SIPA1L1: variants seen among roughly 807,000 people sequenced by gnomAD.
SIPA1L1 encodes signal-induced proliferation-associated 1-like protein 1.
A neutral mutation model predicts 162.7 loss-of-function variants in SIPA1L1; 26 were observed. That is an observed-to-expected ratio of 0.16 (90% CI 0.12 to 0.22). The LOEUF is 0.22. Ranked by LOEUF, SIPA1L1 falls within the 10% of genes least tolerant of loss-of-function variation. SIPA1L1 has a pLI of 1.00. For missense variants in SIPA1L1, 1,874 were observed against 2,241.0 expected (o/e 0.84, Z 3.31); for synonymous variants, 829 against 837.4 (o/e 0.99, Z 0.17).
intron 2 of SIPA1L1, among the ~76,000 whole-genome samples, chr14:71,323,117 T>C (rs776291392): frequency 3.3e-5 from 5 of 152,252 alleles, no homozygotes; most frequent in Non-Finnish European, 7.3e-5. Flanking sequence ...CTTTGAAGTA[T>C]GTGTGTAATT....
chr14:71,469,411 TC>T (rs1323095806), intron 2 of SIPA1L1, among the ~76,000 whole-genome samples: 2 of 152,220 alleles, frequency 1.3e-5, no homozygotes, highest in Non-Finnish European at 2.9e-5. Flanking sequence ...TATGTGTTTG[TC>T]CTGTCATCCC....
intron 2 of SIPA1L1, among the ~76,000 whole-genome samples, chr14:71,334,638 TTA>T (rs2034898446): frequency 6.6e-6 from 1 of 152,216 alleles, no homozygotes; most frequent in African/African-American, 2.4e-5. Context: ...AAAATGGCTC[TTA>T]TCTTTCTCAA....
chr14:71,480,103 G>A (rs1319423325), intron 2 of SIPA1L1, among the ~76,000 whole-genome samples: 9 of 148,000 alleles, frequency 6.1e-5, no homozygotes, highest in Admixed American at 6.1e-4. Context: ...TTTTTTTTGA[G>A]ACGGAGTCTT....
At chr14:71,359,830 T>C (rs75930676) in intron 2 of SIPA1L1, among the ~76,000 whole-genome samples, 4,985 of 152,332 alleles carry the variant, frequency 0.033, 121 homozygotes, top group Non-Finnish European at 0.05. Flanking sequence ...ATATTATCAA[T>C]GGAACTGGTT....
intron 18 of SIPA1L1, among the ~76,000 whole-genome samples, 169 bp from the exon 19 acceptor site, chr14:71,724,500 TC>T (rs1468606135): frequency 6.6e-6 from 1 of 152,218 alleles, no homozygotes; most frequent in Non-Finnish European, 1.5e-5. Flanking sequence ...TTTTGTTTCT[TC>T]AGTAAGCGTT....
At chr14:71,546,540 C>T (rs1476301743) in intron 4 of SIPA1L1, among the ~76,000 whole-genome samples, 2 of 151,994 alleles carry the variant, frequency 1.3e-5, no homozygotes, top group African/African-American at 4.8e-5. Flanking sequence ...CGCCATCACG[C>T]CTGGCTAATT....
chr14:71,610,682 C>T (rs751092474), intron 5 of SIPA1L1, among the ~76,000 whole-genome samples: 4 of 151,952 alleles, frequency 2.6e-5, no homozygotes, highest in Non-Finnish European at 4.4e-5. Context: ...GAATGTATGT[C>T]CTTTTGTTTT....
chr14:71,684,045 C>T (rs1030675517), intron 12 of SIPA1L1, among the ~76,000 whole-genome samples: 3 of 152,076 alleles, frequency 2.0e-5, no homozygotes, highest in Non-Finnish European at 4.4e-5. Context: ...GAGCCTTGGG[C>T]GGAGGGTCAG....
intron 4 of SIPA1L1, among the ~76,000 whole-genome samples, chr14:71,564,147 C>T (rs979513809): frequency 2.6e-5 from 4 of 151,968 alleles, no homozygotes; most frequent in Non-Finnish European, 4.4e-5. Context: ...TGGAGTCTTG[C>T]TATGTTTTCT....
intron 9 of SIPA1L1, among the ~76,000 whole-genome samples, chr14:71,659,082 A>G (rs1006697380): frequency 6.6e-6 from 1 of 152,208 alleles, no homozygotes; most frequent in Non-Finnish European, 1.5e-5. Context: ...AACTGGCACT[A>G]TTGTTTTAGG....
At chr14:71,668,908 C>T (rs1292246737) in intron 10 of SIPA1L1, among the ~76,000 whole-genome samples, 2 of 152,174 alleles carry the variant, frequency 1.3e-5, no homozygotes, top group Non-Finnish European at 2.9e-5. Flanking sequence ...TCTTAAGTAA[C>T]TACATGCAGC....
intron 4 of SIPA1L1, among the ~76,000 whole-genome samples, chr14:71,557,499 C>T (rs964190358): frequency 2.6e-5 from 4 of 152,176 alleles, no homozygotes; most frequent in African/African-American, 9.7e-5. Context: ...GTTCTCTGCA[C>T]AAAGGGGCCA....
At chr14:71,538,560 G>A (rs1183058298) in intron 4 of SIPA1L1, among the ~76,000 whole-genome samples, 1 of 152,210 alleles carries the variant, frequency 6.6e-6, no homozygotes, top group African/African-American at 2.4e-5. Flanking sequence ...TTATTGCCAA[G>A]TCAGGTCTCT....
intron 2 of SIPA1L1, among the ~76,000 whole-genome samples, chr14:71,487,313 CTACCGCA>C (rs2048850064): frequency 1.3e-5 from 2 of 152,178 alleles, no homozygotes; most frequent in South Asian, 4.1e-4. Context: ...TGGTCTCTGC[CTACCGCA>C]TCATAGAGAG....
At chr14:71,705,733 T>G (rs756978809) in intron 16 of SIPA1L1, among the ~76,000 whole-genome samples, 10 of 152,112 alleles carry the variant, frequency 6.6e-5, no homozygotes, top group South Asian at 2.1e-4. Flanking sequence ...AACCATATCT[T>G]TGATTCTGCT....
chr14:71,497,489 C>T (rs558541387), intron 2 of SIPA1L1, among the ~76,000 whole-genome samples: 2 of 152,174 alleles, frequency 1.3e-5, no homozygotes, highest in African/African-American at 4.8e-5. Context: ...TTATAGTCAC[C>T]TCTTTGCCTA....
intron 19 of SIPA1L1, among the ~76,000 whole-genome samples, chr14:71,727,549 C>G (rs1252442927): frequency 1.3e-5 from 2 of 152,050 alleles, no homozygotes; most frequent in Non-Finnish European, 2.9e-5. Flanking sequence ...CCACTTGAAC[C>G]TCTCCGTAGC....
intron 2 of SIPA1L1, among the ~76,000 whole-genome samples, chr14:71,458,570 T>C (rs2046351393): frequency 1.3e-5 from 2 of 152,190 alleles, no homozygotes; most frequent in Non-Finnish European, 2.9e-5. Context: ...TTTTATCAGG[T>C]AGAGATATTA....
At chr14:71,407,623 C>T (rs1011897971) in intron 2 of SIPA1L1, among the ~76,000 whole-genome samples, 3 of 152,158 alleles carry the variant, frequency 2.0e-5, no homozygotes, top group African/African-American at 7.2e-5. Context: ...CCTCCCATCT[C>T]AGCCTCCCAA....
Sources: gnomAD v4.1 joint callset for allele counts (sites outside exome capture counted in the v4.1 genomes callset) on GRCh38, gnomAD v4.1.1 for gene constraint, MANE v1.5 for transcripts, NCBI Gene and HGNC (gene_info 2026-07-23, HGNC 2026-07-21) for gene names.